The following LMTK3 variants were observed in gnomAD, a reference collection of about 807,000 sequenced individuals.
LMTK3 encodes the protein serine/threonine-protein kinase LMTK3.
Under a neutral mutation model 116.7 loss-of-function variants are expected in LMTK3, and 27 were observed. The ratio of observed to expected loss-of-function variants is 0.23; its 90% CI spans 0.17 to 0.32. The LOEUF is 0.32. Among genes scored for constraint, LMTK3 ranks in the 10% least tolerant of loss-of-function variants. LMTK3 has a pLI of 1.00. For missense variants in LMTK3, 1,764 were observed against 2,068.5 expected (o/e 0.85, Z 2.86); for synonymous variants, 965 against 971.0 (o/e 0.99, Z 0.11).
intron 14 of LMTK3, among the ~76,000 whole-genome samples, chr19:48,486,122 C>G (rs367699133): frequency 0.029 from 3,526 of 123,196 alleles, 156 homozygotes; most frequent in African/African-American, 0.097. Flanking sequence ...TGCAGTGGCG[C>G]GATCTCGGCT....
chr19:48,504,954 CCATGGTGCTTTG>C (rs1253450986), intron 5 of LMTK3, among the ~76,000 whole-genome samples: 1 of 152,030 alleles, frequency 6.6e-6, no homozygotes, highest in Non-Finnish European at 1.5e-5. Flanking sequence ...AATGTACTTC[CCATGGTGCTTTG>C]CATGGCTGAC....
chr19:48,501,435 C>T, intron 8 of LMTK3, 31 bp from the exon 9 acceptor site: 1 of 1,612,614 alleles, frequency 6.2e-7, no homozygotes, highest in Non-Finnish European at 8.5e-7. Context: ...TCAGGCGGGT[C>T]AGGGCACCCC....
At position 48,501,010 on chromosome 19, in the gene LMTK3, A is replaced by G; in HGVS notation, c.1137T>C (p.Pro379=). Residue 379 remains proline, a synonymous_variant, in exon 10 of 15, where the codon CCT becomes CCC. Transcript: ENST00000600059. ...VKLARPRLKL[P]YADYWYDILQ... ...CTAGCCCTCACCAGTAGTCCGCGTA[A>G]GGCAGCTTGAGCCTCGGCCGGGCCA... 1 of 1,525,172 alleles carries G rather than the reference A, an allele frequency of 6.6e-7. No individual in the cohort carries two copies. Among genetic ancestry groups the G allele is most frequent in the South Asian group, 1.3e-5 (1 of 76,382 alleles). The allele number at this position is 1,525,172 out of a possible 1,614,324, so 94.5% of individuals were successfully genotyped here.
intron 5 of LMTK3, 37 bp from the exon 6 acceptor site, chr19:48,503,033 C>A (rs775427776): frequency 7.6e-7 from 1 of 1,311,480 alleles, no homozygotes; most frequent in East Asian, 2.3e-5. Flanking sequence ...GGGAAGGCAG[C>A]CCCTTCCTCT....
At chr19:48,513,150 C>T (rs774696762), upstream of LMTK3, 3 of 1,601,898 alleles carry the variant, frequency 1.9e-6, no homozygotes, top group Non-Finnish European at 2.6e-6. The surrounding 1 kb of genome is among the most constrained non-coding windows in gnomAD (Gnocchi z 5.6). Context: ...GTTTCCCGTG[C>T]GGTTACGCAG....
intron 14 of LMTK3, among the ~76,000 whole-genome samples, chr19:48,489,909 G>T (rs566618408): frequency 6.6e-6 from 1 of 152,196 alleles, no homozygotes; most frequent in Admixed American, 6.5e-5. Flanking sequence ...ACAAGCCCTG[G>T]GTCCTGGGGG....
At chr19:48,512,550 A>G (rs1370499556), upstream of LMTK3, among the ~76,000 whole-genome samples, 1 of 152,202 alleles carries the variant, frequency 6.6e-6, no homozygotes, top group Non-Finnish European at 1.5e-5. Context: ...ACAGACATGC[A>G]CAGACAGCAA....
At position 48,497,530 on chromosome 19, in the gene LMTK3, G is replaced by T; in HGVS notation, c.3539C>A (p.Ala1180Asp). The change falls in exon 11 of 15, where the codon GCC becomes GAC. Residue 1180 changes from alanine (A) to aspartate (D), a missense_variant. Physicochemically the swap from Ala to Asp is moderately radical, Grantham distance 126. Transcript: ENST00000600059. The surrounding 1 kb of genome is among the most constrained non-coding windows in gnomAD (Gnocchi z 5.7). Reference sequence around the variant, plus strand: ...GTCTCCGCCGGCCCTGCTGTCTGGGGCCCCGGGCTCTCCCTCGGGGGCCAC... The same window carrying T: ...GTCTCCGCCGGCCCTGCTGTCTGGGTCCCCGGGCTCTCCCTCGGGGGCCAC... ...PEVAPEGEPGAPDSRAGGDTA... is the reference protein window; with the variant it reads ...PEVAPEGEPGDPDSRAGGDTA... The T allele has an allele frequency of 1.4e-6, 2 of 1,410,812 alleles. No homozygotes were observed. Among genetic ancestry groups the T allele is most frequent in the South Asian group, 1.7e-5 (1 of 60,496 alleles). The allele number at this position is 1,410,812 out of a possible 1,614,324, so 87.4% of individuals were successfully genotyped here.
chr19:48,512,996 C>T, upstream of LMTK3: 4 of 709,340 alleles, frequency 5.6e-6, no homozygotes, highest in Non-Finnish European at 1.0e-5. Context: ...ACCTTTCACA[C>T]AAGGTTACAA....
In LMTK3 at chr19:48,511,534, C is replaced by A; in HGVS notation, c.43G>T (p.Ala15Ser). 7.1e-7 allele frequency: 1 copy of A among 1,415,240 alleles called. No individual in the cohort carries two copies. The highest frequency in any genetic ancestry group is 9.3e-7 in the Non-Finnish European group (1 of 1,069,664). The allele number at this position is 1,415,240 out of a possible 1,614,324, so 87.7% of individuals were successfully genotyped here. A position where few individuals can be genotyped will look rare whatever the true frequency, so the allele number is the denominator to read the frequency against. ...GCCGGGGACGCCAGGCAGCCGGAGG[C>A]GGAGACGGCCGCAAGGAGGATGAGG... is the stretch of plus-strand genomic sequence containing the variant. ...GALILLAAVSASGCLASPAHP... is the reference protein window; with the variant it reads ...GALILLAAVSSSGCLASPAHP... Residue 15 changes from alanine to serine, a missense_variant, in exon 1 of 15, where the codon GCC becomes TCC. Coordinates refer to ENST00000600059, the MANE Select transcript of LMTK3 (RefSeq NM_001388485.1).
rs1972356434 is a variant in LMTK3, at chr19:48,497,678, C to T, written c.3391G>A (p.Val1131Met). The change falls in exon 11 of 15, where the codon GTG (valine) becomes ATG (methionine). Residue 1131 changes from valine (V) to methionine (M), a missense_variant. Coordinates refer to ENST00000600059, the MANE Select transcript of LMTK3 (RefSeq NM_001388485.1). The surrounding 1 kb of genome is among the most constrained non-coding windows in gnomAD (Gnocchi z 5.7). ...TCTACCCATCCGGCCTTTGCGTCCACGCCGCTTCCGGGGCCGCCGCCGGGG... is the reference window on the plus strand; with the variant it reads ...TCTACCCATCCGGCCTTTGCGTCCATGCCGCTTCCGGGGCCGCCGCCGGGG... ...TAPGGGPGSG[V>M]DAKAGWVDNT... 8 of 1,315,138 alleles carry T rather than the reference C, an allele frequency of 6.1e-6. No individual in the cohort carries two copies. Among genetic ancestry groups the T allele is most frequent in the Non-Finnish European group, 7.7e-6 (8 of 1,036,248 alleles). The allele number at this position is 1,315,138 out of a possible 1,614,324, so 81.5% of individuals were successfully genotyped here. A position where few individuals can be genotyped will look rare whatever the true frequency, so the allele number is the denominator to read the frequency against.
chr19:48,510,551 C>G lies in LMTK3; in HGVS notation c.118G>C (p.Ala40Pro), dbSNP rs769367082. The change falls in exon 2 of 15, where the codon GCT becomes CCT. Residue 40 changes from alanine (A) to proline (P), a missense_variant. Coordinates refer to ENST00000600059, the MANE Select transcript of LMTK3 (RefSeq NM_001388485.1). ...LGRAPLAPPY[A>P]VVLISCSGLL... ...CCGGAGCAGGAAATGAGGACCACAG[C>G]GTAGGGAGGAGCCAGAGGAGCCCGG... 1.3e-6 allele frequency: 2 copies of G among 1,599,318 alleles called. No individual in the cohort carries two copies. Among genetic ancestry groups the G allele is most frequent in the South Asian group, 2.3e-5 (2 of 88,212 alleles).
Position 48,496,314 on chromosome 19 carries a change from TC to T in LMTK3, c.3676+1078del, listed in dbSNP as rs568050159. Among the ~76,000 whole-genome samples the T allele has an allele frequency of 0.012, 1,808 of 149,802 alleles. 35 individuals are homozygous for T. In the Middle Eastern group the frequency reaches 0.12, roughly 10 times the overall value. On this transcript the variant is annotated intron_variant, in intron 11 of 14. Coordinates refer to ENST00000600059, the MANE Select transcript of LMTK3 (RefSeq NM_001388485.1). ...TCTTTTTCTTTTCTTTTTTTTTTTT[TC>T]TGAGACAGAGTCTCGCTTTATCGCC...
Position 48,498,019 on chromosome 19 carries a change from C to G in LMTK3, c.3050G>C (p.Arg1017Thr). Residue 1017 changes from arginine to threonine, a missense_variant, in exon 11 of 15, where the codon AGG (arginine) becomes ACG (threonine). Coordinates refer to ENST00000600059, the MANE Select transcript of LMTK3 (RefSeq NM_001388485.1). ...GGLRFPRNTE[R>T]PPETGPWRAP... Reference sequence around the variant, plus strand: ...TCTCCAAGGCCCAGTCTCTGGTGGCCTCTCCGTGTTCCTGGGGAATCTCAG... The same window carrying G: ...TCTCCAAGGCCCAGTCTCTGGTGGCGTCTCCGTGTTCCTGGGGAATCTCAG... 1 of 1,612,582 alleles carries G rather than the reference C, an allele frequency of 6.2e-7. No individual in the cohort carries two copies. The highest frequency in any genetic ancestry group is 8.5e-7 in the Non-Finnish European group (1 of 1,179,574).
intron 12 of LMTK3, among the ~76,000 whole-genome samples, chr19:48,492,719 C>T (rs1358445405): frequency 6.6e-6 from 1 of 152,086 alleles, no homozygotes; most frequent in Admixed American, 6.6e-5. Flanking sequence ...TCACTAGGCC[C>T]CTTCACCATC....
At chr19:48,489,838 A>G (rs1004549842) in intron 14 of LMTK3, among the ~76,000 whole-genome samples, 4 of 152,188 alleles carry the variant, frequency 2.6e-5, no homozygotes, top group African/African-American at 9.7e-5. Flanking sequence ...GAAACCCTCC[A>G]GTGGCGTCTT....
intron 5 of LMTK3, among the ~76,000 whole-genome samples, chr19:48,503,438 G>T (rs1972507217): frequency 6.6e-6 from 1 of 151,986 alleles, no homozygotes; most frequent in Non-Finnish European, 1.5e-5. Context: ...TCTCTGGATG[G>T]CCCTCACTGG....
At chr19:48,496,287 T>TTCTTTTTCTTTTC (rs1404419973) in intron 11 of LMTK3, among the ~76,000 whole-genome samples, 3 of 150,792 alleles carry the variant, frequency 2.0e-5, no homozygotes, top group African/African-American at 7.4e-5. Context: ...TTTTTCTTTT[T>TTCTTTTTCTTTTC]TTCTTTTTCT....
At chr19:48,510,392 C>A (rs1972636058) in intron 2 of LMTK3, 67 bp downstream of exon 2, 1 of 1,535,194 alleles carries the variant, frequency 6.5e-7, no homozygotes, top group Non-Finnish European at 8.8e-7. Context: ...CCACCAACCA[C>A]CTGTGTAGGG....
Sources: gnomAD v4.1 joint callset for allele counts (sites outside exome capture counted in the v4.1 genomes callset) on GRCh38, gnomAD v4.1.1 for gene constraint, Gnocchi (gnomAD v3.1) non-coding constraint, MANE v1.5 for transcripts, NCBI Gene and HGNC (gene_info 2026-07-23, HGNC 2026-07-21) for gene names.